CIROZ: variants seen among roughly 807,000 people sequenced by gnomAD.
CIROZ encodes the protein ciliated left-right organizer protein containing ZP-N domains.
the CIROZ span, chr1:10,964,115 C>T: frequency 1.9e-6 from 3 of 1,613,238 alleles, no homozygotes; most frequent in Non-Finnish European, 2.5e-6. Flanking sequence ...CCCAGACCCC[C>T]CGAACCCATT....
At chr1:10,960,525 C>A in the CIROZ span, among the ~76,000 whole-genome samples, 1 of 152,256 alleles carries the variant, frequency 6.6e-6, no homozygotes, top group African/African-American at 2.4e-5. The surrounding 1 kb of genome is among the most constrained non-coding windows in gnomAD (Gnocchi z 4.6). Context: ...TCCGCAGGAG[C>A]TCGGGCAGCC....
chr1:10,966,104 T>C, the CIROZ span, among the ~76,000 whole-genome samples: 1 of 152,006 alleles, frequency 6.6e-6, no homozygotes, highest in Non-Finnish European at 1.5e-5. Context: ...GTGTTGGCAA[T>C]GATAGAAGCA....
the CIROZ span, among the ~76,000 whole-genome samples, chr1:10,969,237 T>C: frequency 5.3e-5 from 8 of 150,316 alleles, no homozygotes; most frequent in Admixed American, 1.3e-4. Flanking sequence ...GGGGGCTTGC[T>C]TTGCAGCCAC....
chr1:10,954,798 T>G, the CIROZ span, among the ~76,000 whole-genome samples: 2 of 152,158 alleles, frequency 1.3e-5, no homozygotes. Context: ...TCACTATGTT[T>G]CCCAGGCTGG....
At chr1:10,957,716 G>A in the CIROZ span, 15 of 1,613,988 alleles carry the variant, frequency 9.3e-6, no homozygotes, top group Non-Finnish European at 1.3e-5. Flanking sequence ...TTCAAGAGAA[G>A]CCACCAGCTC....
At chr1:10,948,605 G>A in the CIROZ span, 12 of 1,614,016 alleles carry the variant, frequency 7.4e-6, no homozygotes, top group Admixed American at 5.0e-5. Flanking sequence ...CTGAGGACAC[G>A]GGCAGGGTCA....
chr1:10,950,030 CTTTTTTTTTT>C, the CIROZ span, among the ~76,000 whole-genome samples: 11 of 101,688 alleles, frequency 1.1e-4, no homozygotes, highest in African/African-American at 3.5e-4. Flanking sequence ...CATCAAGATT[CTTTTTTTTTT>C]TTTTTTTTTT....
At chr1:10,947,932 C>A in the CIROZ span, 1 of 1,613,682 alleles carries the variant, frequency 6.2e-7, no homozygotes, top group Non-Finnish European at 8.5e-7. Context: ...GGGGCTGACT[C>A]CAGGTATCGG....
At chr1:10,975,407 GAAAAA>G in the CIROZ span, among the ~76,000 whole-genome samples, 2 of 78,778 alleles carry the variant, frequency 2.5e-5, no homozygotes, top group Admixed American at 1.6e-4. Context: ...CTCTGTCTCA[GAAAAA>G]AAAAAAAAAA....
At chr1:10,947,430 C>A in the CIROZ span, among the ~76,000 whole-genome samples, 1 of 152,256 alleles carries the variant, frequency 6.6e-6, no homozygotes, top group Non-Finnish European at 1.5e-5. Flanking sequence ...TGGTACCCTG[C>A]TGGCTTGGAT....
chr1:10,979,269 C>T, the CIROZ span, among the ~76,000 whole-genome samples: 3 of 152,144 alleles, frequency 2.0e-5, no homozygotes, highest in Admixed American at 1.3e-4. Context: ...GCTGGGATTA[C>T]AGGTGTGGGC....
chr1:10,976,302 G>A, the CIROZ span: 1 of 1,234,366 alleles, frequency 8.1e-7, no homozygotes, highest in South Asian at 1.3e-5. Context: ...CCGCCCAGCT[G>A]CTGCCTCATC....
At chr1:10,980,560 C>G in the CIROZ span, among the ~76,000 whole-genome samples, 1 of 152,214 alleles carries the variant, frequency 6.6e-6, no homozygotes, top group African/African-American at 2.4e-5. Flanking sequence ...GAGACAGGAC[C>G]AGAAGAATAA....
At chr1:10,976,308 T>A in the CIROZ span, 2 of 1,063,488 alleles carry the variant, frequency 1.9e-6, no homozygotes, top group Non-Finnish European at 2.7e-6. Context: ...AGCTGCTGCC[T>A]CATCTACCTT....
chr1:10,951,745 A>AAAAAAATAT, the CIROZ span, among the ~76,000 whole-genome samples: 1 of 119,206 alleles, frequency 8.4e-6, no homozygotes, highest in Non-Finnish European at 1.7e-5. Context: ...AAAAAAAAAA[A>AAAAAAATAT]ATATATATAT....
chr1:10,949,865 TC>T, the CIROZ span: 1 of 1,457,660 alleles, frequency 6.9e-7, no homozygotes, highest in Non-Finnish European at 9.2e-7. Context: ...AGCAAAATCC[TC>T]CCAACACCCT....
At chr1:10,955,125 G>A in the CIROZ span, 5 of 1,613,934 alleles carry the variant, frequency 3.1e-6, no homozygotes, top group East Asian at 6.7e-5. Flanking sequence ...AACCTCTTTT[G>A]ACTAGACCCA....
the CIROZ span, chr1:10,948,333 G>A: frequency 6.2e-7 from 1 of 1,613,640 alleles, no homozygotes; most frequent in Non-Finnish European, 8.5e-7. Context: ...CAGCTCCTCT[G>A]CAGCCAGTGT....
At chr1:10,958,700 T>C in the CIROZ span, 1,389 of 1,614,002 alleles carry the variant, frequency 8.6e-4, 13 homozygotes, top group Non-Finnish European at 2.9e-4. Context: ...GCTACTTCAA[T>C]GGGGCCCGCT....
Sources: allele counts gnomAD v4.1 joint callset (sites outside exome capture counted in the v4.1 genomes callset), GRCh38; gene constraint gnomAD v4.1.1; non-coding constraint Gnocchi (gnomAD v3.1); transcripts MANE v1.5; gene names NCBI Gene and HGNC (gene_info 2026-07-23, HGNC 2026-07-21).